The following ERBB4 variants were observed in gnomAD, a reference collection of about 807,000 sequenced individuals.
The protein encoded by ERBB4 is erb-b2 receptor tyrosine kinase 4.
A neutral mutation model predicts 158.0 loss-of-function variants in ERBB4; 42 were observed. The ratio of observed to expected loss-of-function variants is 0.27; its 90% CI spans 0.21 to 0.34. The LOEUF (loss-of-function observed/expected upper bound fraction) is 0.34, where lower values mean the gene tolerates loss of function less well. Among genes scored for constraint, ERBB4 ranks in the 10% least tolerant of loss-of-function variants. The pLI is 1.00. For synonymous variants in ERBB4, 583 were observed against 558.7 expected, an observed-to-expected ratio of 1.04 and a Z score of -0.61; for missense variants, 1,333 against 1,624.1, an observed-to-expected ratio of 0.82 and a Z score of 3.08.
intron 2 of ERBB4, among the ~76,000 whole-genome samples, chr2:212,044,480 G>A (rs1455262079): frequency 6.6e-6 from 1 of 152,008 alleles, no homozygotes; most frequent in Non-Finnish European, 1.5e-5. Context: ...TCGTATCAGA[G>A]TTACTGTATT....
chr2:212,397,610 T>A lies in ERBB4; in HGVS notation c.82+140839A>T, dbSNP rs542002289. Among the ~76,000 whole-genome samples, 16 of 152,298 alleles carry A rather than the reference T, an allele frequency of 1.1e-4. No homozygotes were observed. In the East Asian group the frequency reaches 2.7e-3, roughly 26 times the overall value. On this transcript the variant is annotated intron_variant, in intron 1 of 27. Transcript: ENST00000342788. ...TTCATACCTTGTTATTACACTCCTC[T>A]CTTTCCTATATCTTAACAACATGAT...
At chr2:211,888,838 G>C (rs1428152523) in intron 3 of ERBB4, among the ~76,000 whole-genome samples, 1 of 151,692 alleles carries the variant, frequency 6.6e-6, no homozygotes, top group African/African-American at 2.4e-5. Flanking sequence ...GCGCTTTTCA[G>C]ACCGGCTTAA....
chr2:211,993,863 A>G (rs900457934), intron 2 of ERBB4, among the ~76,000 whole-genome samples: 1 of 151,738 alleles, frequency 6.6e-6, no homozygotes, highest in African/African-American at 2.4e-5. Context: ...TTAGAAAAAA[A>G]GAATTAGATT....
intron 3 of ERBB4, among the ~76,000 whole-genome samples, chr2:211,936,997 C>T (rs1428782872): frequency 6.6e-6 from 1 of 152,058 alleles, no homozygotes; most frequent in Non-Finnish European, 1.5e-5. Flanking sequence ...ATTACAATAG[C>T]TATGTTATAA....
intron 2 of ERBB4, among the ~76,000 whole-genome samples, chr2:212,092,890 G>A (rs558703856): frequency 4.1e-4 from 63 of 152,184 alleles, no homozygotes; most frequent in East Asian, 7.7e-4. Context: ...GCAAACCAAC[G>A]TGGCACGTGT....
chr2:212,500,159 G>C (rs1292397307), intron 1 of ERBB4, among the ~76,000 whole-genome samples: 1 of 152,040 alleles, frequency 6.6e-6, no homozygotes, highest in Admixed American at 6.6e-5. Flanking sequence ...AAAGGATATA[G>C]ACTGCCTCAG....
chr2:211,905,647 C>CATATAT (rs56758130), intron 3 of ERBB4, among the ~76,000 whole-genome samples: 8,789 of 70,798 alleles, frequency 0.12, 666 homozygotes, highest in Non-Finnish European at 0.16. Context: ...TAGGAAGGAT[C>CATATAT]ATATATATAT....
chr2:212,339,561 AC>A (rs2088605115), intron 1 of ERBB4, among the ~76,000 whole-genome samples: 1 of 152,158 alleles, frequency 6.6e-6, no homozygotes, highest in African/African-American at 2.4e-5. Flanking sequence ...CACGCATCCC[AC>A]CACTTCATTT....
intron 2 of ERBB4, among the ~76,000 whole-genome samples, chr2:211,985,506 T>G (rs771440732): frequency 5.9e-5 from 9 of 151,984 alleles, no homozygotes; most frequent in Non-Finnish European, 1.3e-4. Flanking sequence ...TGACCATCAG[T>G]AAAAGGGTTC....
At chr2:211,575,158 G>C (rs1048585188) in intron 19 of ERBB4, among the ~76,000 whole-genome samples, 11 of 152,186 alleles carry the variant, frequency 7.2e-5, no homozygotes, top group Admixed American at 3.3e-4. Context: ...CTCTGCAGGA[G>C]CTATTCATGT....
intron 9 of ERBB4, 69 bp from the exon 10 acceptor site, chr2:211,705,460 A>T: frequency 5.0e-6 from 5 of 1,001,504 alleles, no homozygotes; most frequent in Non-Finnish European, 8.0e-6. Context: ...GAGAAATGTG[A>T]CAATATTTTA....
chr2:212,292,367 T>A (rs78647659), intron 1 of ERBB4, among the ~76,000 whole-genome samples: 2,651 of 152,130 alleles, frequency 0.017, 82 homozygotes, highest in African/African-American at 0.061. Flanking sequence ...AATATAATAC[T>A]GGCAGATGTG....
At chr2:211,700,878 C>T (rs1360772580) in intron 12 of ERBB4, among the ~76,000 whole-genome samples, 4 of 152,126 alleles carry the variant, frequency 2.6e-5, no homozygotes, top group African/African-American at 9.7e-5. Flanking sequence ...TATTCATTTG[C>T]AAACAGTTCA....
intron 20 of ERBB4, among the ~76,000 whole-genome samples, chr2:211,470,234 A>G (rs530647204): frequency 1.3e-5 from 2 of 152,218 alleles, no homozygotes; most frequent in East Asian, 1.9e-4. Context: ...TTGATAATTG[A>G]GTTATTAATC....
At position 212,462,578 on chromosome 2, in the gene ERBB4, G is replaced by A. The variant is rs1474587487; in HGVS notation, c.82+75871C>T. Among the ~76,000 whole-genome samples, 3 of 152,112 alleles carry A rather than the reference G, an allele frequency of 2.0e-5. No individual in the cohort carries two copies. In the East Asian group the frequency reaches 5.8e-4, roughly 29 times the overall value. Reference sequence around the variant, plus strand: ...TATCATCACACCCCAGTTAGAATGGGTATTCTCAAAAAGATAAAAAATAAG... The same window carrying A: ...TATCATCACACCCCAGTTAGAATGGATATTCTCAAAAAGATAAAAAATAAG... On this transcript the variant is annotated intron_variant, in intron 1 of 27. Coordinates refer to ENST00000342788, the MANE Select transcript of ERBB4 (RefSeq NM_005235.3).
At chr2:212,249,064 AT>A (rs1184055003) in intron 1 of ERBB4, among the ~76,000 whole-genome samples, 1 of 151,940 alleles carries the variant, frequency 6.6e-6, no homozygotes, top group Non-Finnish European at 1.5e-5. Flanking sequence ...ATTTGGGGTT[AT>A]TTTAACAGGA....
chr2:212,310,732 A>C (rs1023821423), intron 1 of ERBB4, among the ~76,000 whole-genome samples: 4 of 150,408 alleles, frequency 2.7e-5, no homozygotes, highest in South Asian at 2.1e-4. Flanking sequence ...TTTCCAAAAA[A>C]CCCAGAAATT....
At position 211,513,371 on chromosome 2, in the gene ERBB4, AAAAAAC is replaced by A. The variant is rs1196446482; in HGVS notation, c.2487+48526_2487+48531del. Among the ~76,000 whole-genome samples, 99 of 135,548 alleles carry A rather than the reference AAAAAAC, an allele frequency of 7.3e-4. 5 individuals carry two copies. Among genetic ancestry groups the A allele is most frequent in the Middle Eastern group, 3.9e-3 (1 of 258 alleles). 88.9% of individuals were successfully genotyped at this position (135,548 alleles called of 152,430 possible). A position where few individuals can be genotyped will look rare whatever the true frequency, so the allele number is the denominator to read the frequency against. On this transcript the variant is annotated intron_variant, in intron 20 of 27. Coordinates refer to ENST00000342788, the MANE Select transcript of ERBB4 (RefSeq NM_005235.3). Reference sequence around the variant, plus strand: ...AGACTCCGTCTCAAAAAAAAAAAAAAAAAAACAAAAAAAAAACACTGATCCTAGAAG... The same window carrying A: ...AGACTCCGTCTCAAAAAAAAAAAAAAAAAAAAAAAACACTGATCCTAGAAG...
intron 20 of ERBB4, among the ~76,000 whole-genome samples, chr2:211,470,547 A>AT (rs1221017221): frequency 6.6e-6 from 1 of 152,132 alleles, no homozygotes. Flanking sequence ...TATTTATTTA[A>AT]TTTTTTAAAT....
Sources: allele counts gnomAD v4.1 joint callset (sites outside exome capture counted in the v4.1 genomes callset), GRCh38; gene constraint gnomAD v4.1.1; transcripts MANE v1.5; gene names NCBI Gene and HGNC (gene_info 2026-07-23, HGNC 2026-07-21).